BICD1: variants seen among roughly 807,000 people sequenced by gnomAD.
The protein encoded by BICD1 is protein bicaudal D homolog 1.
In BICD1, 35 loss-of-function variants were observed where a neutral mutation model predicts 92.5. The ratio of observed to expected loss-of-function variants is 0.38; its 90% CI spans 0.29 to 0.50. The LOEUF (loss-of-function observed/expected upper bound fraction) is 0.50, where lower values mean the gene tolerates loss of function less well. Ranked by LOEUF, BICD1 falls within the 20% of genes least tolerant of loss-of-function variation. BICD1 has a pLI of 0.93. For missense variants in BICD1, 950 were observed against 1,189.8 expected (o/e 0.80, Z 2.97); for synonymous variants, 429 against 465.1 (o/e 0.92, Z 1.00).
At chr12:32,331,972 T>A (rs2136271586) in intron 5 of BICD1, among the ~76,000 whole-genome samples, 1 of 152,290 alleles carries the variant, frequency 6.6e-6, no homozygotes, top group East Asian at 1.9e-4. Flanking sequence ...AAGGTGAGAA[T>A]TCTGGGGTAC....
intron 8 of BICD1, among the ~76,000 whole-genome samples, chr12:32,343,655 T>C (rs1297945138): frequency 2.6e-5 from 4 of 152,168 alleles, no homozygotes; most frequent in Non-Finnish European, 5.9e-5. Context: ...CTTCCTTCTG[T>C]TCCTCCATCC....
chr12:32,296,457 A>C (rs535084395), intron 3 of BICD1, among the ~76,000 whole-genome samples: 3 of 151,344 alleles, frequency 2.0e-5, no homozygotes, highest in South Asian at 4.2e-4. Flanking sequence ...TGGGGTTTCA[A>C]CGTGTTAGCC....
At chr12:32,286,442 T>C (rs1321728300) in intron 2 of BICD1, among the ~76,000 whole-genome samples, 2 of 152,132 alleles carry the variant, frequency 1.3e-5, no homozygotes, top group Non-Finnish European at 2.9e-5. Flanking sequence ...ATTAAGATAA[T>C]ATGTTTCTAC....
At chr12:32,196,102 T>A (rs1351508142) in intron 1 of BICD1, among the ~76,000 whole-genome samples, 34 of 152,222 alleles carry the variant, frequency 2.2e-4, no homozygotes, top group Non-Finnish European at 1.3e-4. Flanking sequence ...GCTATCACCT[T>A]GCACCTGTTA....
At chr12:32,203,372 C>A (rs1288206777) in intron 1 of BICD1, among the ~76,000 whole-genome samples, 2 of 152,120 alleles carry the variant, frequency 1.3e-5, no homozygotes, top group Non-Finnish European at 2.9e-5. Context: ...CATCAAAAGA[C>A]ATCGCTAAAA....
At position 32,107,262 on chromosome 12, in the gene BICD1, C is replaced by G; in HGVS notation, c.-70C>G. On this transcript the variant is annotated 5_prime_UTR_variant, in exon 1 of 10. Transcript: ENST00000652176. ...ACCCATCCCTTCCCATTTCCTTCTC[C>G]CTTTCCCCGCCAGCTTCGCATCCAT... 3 of 1,386,552 alleles carry G rather than the reference C, an allele frequency of 2.2e-6. No homozygotes were observed. The highest frequency in any genetic ancestry group is 3.0e-6 in the Non-Finnish European group (3 of 1,010,370). 85.9% of individuals were successfully genotyped at this position (1,386,552 alleles called of 1,614,324 possible). A position where few individuals can be genotyped will look rare whatever the true frequency, so the allele number is the denominator to read the frequency against.
At chr12:32,124,851 T>C (rs540705850) in intron 1 of BICD1, among the ~76,000 whole-genome samples, 36 of 152,110 alleles carry the variant, frequency 2.4e-4, no homozygotes, top group African/African-American at 8.2e-4. Flanking sequence ...GAGAGATGGT[T>C]TGGGGCCAGA....
intron 3 of BICD1, among the ~76,000 whole-genome samples, chr12:32,305,354 AC>A (rs1948183905): frequency 6.6e-6 from 1 of 152,082 alleles, no homozygotes; most frequent in South Asian, 2.1e-4. Flanking sequence ...CCCCCTTTTG[AC>A]CACTGGATCC....
At position 32,351,487 on chromosome 12, in the gene BICD1, CAAAAAAAAA is replaced by C. The variant is rs35002678; in HGVS notation, c.2764+12524_2764+12532del. On this transcript the variant is annotated intron_variant, in intron 8 of 9. Coordinates refer to ENST00000652176, the MANE Select transcript of BICD1 (RefSeq NM_001714.4). ...TGGGCAACAGAGCAAGACTCTGTCT[CAAAAAAAAA>C]AAAAAAAAAAAAAAAGAAAGGAGAA... is the stretch of plus-strand genomic sequence containing the variant. 3.5e-3 allele frequency among the ~76,000 whole-genome samples: 202 copies of C among 57,228 alleles called. 2 individuals carry two copies. Among genetic ancestry groups the C allele is most frequent in the African/African-American group, 0.014 (190 of 13,412 alleles). 37.5% of individuals were successfully genotyped at this position (57,228 alleles called of 152,430 possible).
chr12:32,353,038 A>G (rs1938955347), intron 8 of BICD1: 1 of 152,234 alleles, frequency 6.6e-6, no homozygotes, highest in Non-Finnish European at 1.5e-5. Context: ...TTGACATTAG[A>G]ATCAGTTAAA....
chr12:32,294,477 C>T (rs115866123), intron 3 of BICD1, among the ~76,000 whole-genome samples: 277 of 152,022 alleles, frequency 1.8e-3, no homozygotes, highest in African/African-American at 6.4e-3. Context: ...GAGTCTTAGC[C>T]GGGCATGGTG....
At chr12:32,281,062 A>G (rs1269710888) in intron 2 of BICD1, among the ~76,000 whole-genome samples, 1 of 151,972 alleles carries the variant, frequency 6.6e-6, no homozygotes, top group Non-Finnish European at 1.5e-5. Flanking sequence ...TATTTCCCAA[A>G]CTTTTTTTTA....
At chr12:32,282,314 G>A (rs556906277) in intron 2 of BICD1, among the ~76,000 whole-genome samples, 1 of 144,180 alleles carries the variant, frequency 6.9e-6, no homozygotes, top group African/African-American at 2.6e-5. Flanking sequence ...TCCACCTCCT[G>A]GACTCAAGTG....
intron 1 of BICD1, among the ~76,000 whole-genome samples, chr12:32,196,891 A>T (rs1307887274): frequency 6.6e-6 from 1 of 152,226 alleles, no homozygotes; most frequent in Non-Finnish European, 1.5e-5. Flanking sequence ...TACGCCTTGA[A>T]TATGTACAAC....
intron 5 of BICD1, among the ~76,000 whole-genome samples, chr12:32,332,017 G>C (rs12578899): frequency 0.24 from 36,777 of 152,004 alleles, 4,903 homozygotes; most frequent in East Asian, 0.6. Flanking sequence ...TTTTAAAATA[G>C]GCATTCTACT....
chr12:32,207,513 AT>A (rs898608452), intron 1 of BICD1, among the ~76,000 whole-genome samples: 94 of 152,136 alleles, frequency 6.2e-4, no homozygotes, highest in African/African-American at 2.0e-3. Context: ...TATGTGATAG[AT>A]TTTTTTTAAA....
chr12:32,278,838 A>T (rs1947342921), intron 2 of BICD1, among the ~76,000 whole-genome samples: 1 of 151,818 alleles, frequency 6.6e-6, no homozygotes, highest in Admixed American at 6.6e-5. Context: ...CCTGGGCGAC[A>T]GAGCGAGACC....
chr12:32,187,714 A>C (rs1173213594), intron 1 of BICD1, among the ~76,000 whole-genome samples: 5 of 151,670 alleles, frequency 3.3e-5, no homozygotes, highest in African/African-American at 4.9e-5. Context: ...CTATGGAAAC[A>C]GCAGACACTG....
chr12:32,190,462 C>A lies in BICD1; in HGVS notation c.214-25785C>A, dbSNP rs373347115. Among the ~76,000 whole-genome samples the A allele has an allele frequency of 6.6e-5, 10 of 152,264 alleles. No homozygotes were observed. In the East Asian group the frequency reaches 1.7e-3, roughly 26 times the overall value. On this transcript the variant is annotated intron_variant, in intron 1 of 9. Coordinates refer to ENST00000652176, the MANE Select transcript of BICD1 (RefSeq NM_001714.4). ...CAGGAGTGGCTTTATTTATATCAGACTAAATAGACTTTCAGTCAAAATCTG... is the reference window on the plus strand; with the variant it reads ...CAGGAGTGGCTTTATTTATATCAGAATAAATAGACTTTCAGTCAAAATCTG...
Sources: allele counts gnomAD v4.1 joint callset (sites outside exome capture counted in the v4.1 genomes callset), GRCh38; gene constraint gnomAD v4.1.1; transcripts MANE v1.5; gene names NCBI Gene and HGNC (gene_info 2026-07-23, HGNC 2026-07-21).